The following PACSIN2 variants were observed in gnomAD, a reference collection of about 807,000 sequenced individuals.
PACSIN2 encodes the protein protein kinase C and casein kinase substrate in neurons protein 2.
PACSIN2 carries 25 observed loss-of-function variants against 63.8 expected under a neutral mutation model. The ratio of observed to expected loss-of-function variants is 0.39; its 90% confidence interval spans 0.29 to 0.55. The LOEUF is 0.55. Ranked by LOEUF, PACSIN2 falls within the 20% of genes least tolerant of loss-of-function variation. The pLI is 0.62. For missense variants in PACSIN2, 518 were observed against 646.9 expected (o/e 0.80, Z 2.16); for synonymous variants, 255 against 256.2 (o/e 1.00, Z 0.05).
chr22:42,881,713 G>A (rs1476655387), intron 7 of PACSIN2, among the ~76,000 whole-genome samples: 1 of 152,220 alleles, frequency 6.6e-6, no homozygotes, highest in Non-Finnish European at 1.5e-5. Flanking sequence ...AGGATTCACT[G>A]AATTTACTGC....
intron 1 of PACSIN2, among the ~76,000 whole-genome samples, chr22:43,013,345 G>A (rs1304585771): frequency 6.6e-6 from 1 of 152,196 alleles, no homozygotes; most frequent in Non-Finnish European, 1.5e-5. Context: ...ATTGTCAAAA[G>A]AAAAACACAC....
At position 42,876,277 on chromosome 22, in the gene PACSIN2, G is replaced by A. The variant is rs201678639; in HGVS notation, c.1208C>T (p.Ser403Phe). ...SYPTDWSDDE[S>F]NNPFSSTDAN... is the part of the protein sequence containing the mutation. ...ATCCGTGGAGGAGAAGGGGTTGTTAGACTCATCGTCTGACCAGTCGGTGGG... is the reference window on the plus strand; with the variant it reads ...ATCCGTGGAGGAGAAGGGGTTGTTAAACTCATCGTCTGACCAGTCGGTGGG... Residue 403 changes from serine (S) to phenylalanine (F), a missense_variant, in exon 10 of 11, where the codon TCT becomes TTT. Around this residue, in one of 2 missense-constraint regions of PACSIN2, gnomAD observed 507 missense variants for 612.3 expected, o/e 0.83. Coordinates refer to ENST00000263246, the MANE Select transcript of PACSIN2 (RefSeq NM_001184970.3). 54 of 1,614,220 alleles carry A rather than the reference G, an allele frequency of 3.3e-5. No homozygotes were observed. Among genetic ancestry groups the A allele is most frequent in the Admixed American group, 2.5e-4 (15 of 60,034 alleles).
In PACSIN2 at chr22:43,010,398, A is replaced by ATATATATATATATTTTT; in HGVS notation, c.-78+4622_-78+4623insAAAAATATATATATATA. 5.1e-4 allele frequency among the ~76,000 whole-genome samples: 65 copies of ATATATATATATATTTTT among 126,406 alleles called. 1 individual carries two copies. The highest frequency in any genetic ancestry group is 8.1e-3 in the Middle Eastern group (2 of 248). 82.9% of individuals were successfully genotyped at this position (126,406 alleles called of 152,430 possible). ...TGTTTAAAAATACATATATATATAT[A>ATATATATATATATTTTT]TTTTTTTTTAATTGAAAATAAAAAA... On this transcript the variant is annotated intron_variant, in intron 1 of 10. Coordinates refer to ENST00000263246, the MANE Select transcript of PACSIN2 (RefSeq NM_001184970.3).
rs116264698 is a variant in PACSIN2 at position 42,977,417 on chromosome 22, T to C, written c.-78+37604A>G. ...GAAAAAATAAAGAAAAAAGGTGAAA[T>C]GGTGCTCAACCTCACCAGTACTCAG... On this transcript the variant is annotated intron_variant, in intron 1 of 10. Coordinates refer to ENST00000263246, the MANE Select transcript of PACSIN2 (RefSeq NM_001184970.3). Among the ~76,000 whole-genome samples the C allele has an allele frequency of 3.7e-3, 562 of 152,170 alleles. 4 individuals carry two copies. The highest frequency in any genetic ancestry group is 0.013 in the African/African-American group (550 of 41,506).
intron 1 of PACSIN2, among the ~76,000 whole-genome samples, chr22:42,952,277 A>G (rs1003551297): frequency 6.6e-6 from 1 of 152,210 alleles, no homozygotes; most frequent in Non-Finnish European, 1.5e-5. Context: ...ACAGCAAACC[A>G]GGTATCTTAA....
chr22:43,014,223 A>G (rs1173141611), intron 1 of PACSIN2, among the ~76,000 whole-genome samples: 1 of 150,804 alleles, frequency 6.6e-6, no homozygotes, highest in Non-Finnish European at 1.5e-5. Context: ...GAGTCTGGGG[A>G]AACTCTGAGG....
At chr22:42,959,948 C>T (rs918059351) in intron 1 of PACSIN2, 4 of 152,242 alleles carry the variant, frequency 2.6e-5, no homozygotes, top group African/African-American at 9.7e-5. Context: ...AAGGTCATTC[C>T]CATACACTGC....
chr22:43,009,562 T>C (rs948978169), intron 1 of PACSIN2, among the ~76,000 whole-genome samples: 2 of 152,184 alleles, frequency 1.3e-5, no homozygotes, highest in Non-Finnish European at 2.9e-5. Context: ...AAGTCCTTCA[T>C]TTTACAAATA....
intron 2 of PACSIN2, among the ~76,000 whole-genome samples, chr22:42,905,340 G>T (rs933705757): frequency 2.1e-4 from 32 of 152,216 alleles, no homozygotes; most frequent in African/African-American, 7.0e-4. Flanking sequence ...TGCAGAAACG[G>T]TAAGTGTAGA....
At chr22:43,007,593 C>G (rs148920338) in intron 1 of PACSIN2, among the ~76,000 whole-genome samples, 19 of 152,326 alleles carry the variant, frequency 1.2e-4, no homozygotes, top group African/African-American at 4.6e-4. Context: ...GCACCTGTGG[C>G]TCTGGCACAA....
intron 1 of PACSIN2, among the ~76,000 whole-genome samples, chr22:42,971,211 A>G (rs1453956216): frequency 7.9e-5 from 12 of 152,132 alleles, no homozygotes; most frequent in South Asian, 6.2e-4. Flanking sequence ...TCAGCCTGCC[A>G]AGCGCCTGGG....
chr22:42,924,857 C>T (rs894049631), intron 1 of PACSIN2, among the ~76,000 whole-genome samples: 4 of 151,758 alleles, frequency 2.6e-5, no homozygotes, highest in African/African-American at 7.3e-5. Flanking sequence ...CCCGGGTACA[C>T]GCCATTCTCC....
In PACSIN2 at chr22:42,893,447, G is replaced by A. The variant is rs201534510; in HGVS notation, c.217+10C>T. On this transcript the variant is annotated intron_variant, in intron 3 of 10. Transcript: ENST00000263246. ...CTCCAGGCCACAGGACCTGTGCCGG[G>A]GCCCCATACCTTTCTCCACGAGCTG... 6.2e-7 allele frequency: 1 copy of A among 1,610,234 alleles called. No individual in the cohort carries two copies. Among genetic ancestry groups the A allele is most frequent in the African/African-American group, 1.3e-5 (1 of 75,038 alleles).
At chr22:42,874,012 A>C (rs527464646) in intron 10 of PACSIN2, among the ~76,000 whole-genome samples, 3 of 151,076 alleles carry the variant, frequency 2.0e-5, no homozygotes, top group African/African-American at 7.3e-5. Context: ...CTGGTCTCAA[A>C]CTCCTGACCT....
chr22:42,885,913 A>T (rs1929440883), intron 5 of PACSIN2, among the ~76,000 whole-genome samples: 1 of 152,066 alleles, frequency 6.6e-6, no homozygotes, highest in Non-Finnish European at 1.5e-5. Flanking sequence ...TATTCCCCAC[A>T]GCCATCCACA....
intron 1 of PACSIN2, among the ~76,000 whole-genome samples, chr22:43,012,192 TACATACATACAA>T (rs1427867789): frequency 3.3e-4 from 41 of 123,656 alleles, no homozygotes; most frequent in African/African-American, 1.4e-3. Flanking sequence ...CATACATACA[TACATACATACAA>T]ACATACAAAA....
chr22:43,014,091 C>G (rs1924681247), intron 1 of PACSIN2, among the ~76,000 whole-genome samples: 1 of 152,142 alleles, frequency 6.6e-6, no homozygotes. Flanking sequence ...AGCCGAAACC[C>G]AATGAATCAA....
Position 43,015,011 on chromosome 22 carries a change from G to C in PACSIN2, c.-78+10C>G, listed in dbSNP as rs1284143117. The C allele has an allele frequency of 6.6e-6, 1 of 151,506 alleles. No homozygotes were observed. Among genetic ancestry groups the C allele is most frequent in the African/African-American group, 2.4e-5 (1 of 41,292 alleles). The allele number at this position is 151,506 out of a possible 1,614,324, so 9.4% of individuals were successfully genotyped here. A position where few individuals can be genotyped will look rare whatever the true frequency, so the allele number is the denominator to read the frequency against. On this transcript the variant is annotated intron_variant, in intron 1 of 10. Coordinates refer to ENST00000263246, the MANE Select transcript of PACSIN2 (RefSeq NM_001184970.3). ...CGTCGCGGCGACCCCTGACCTCGGC[G>C]GCCACTCACCTCCCAATCCGTCGCA... is the stretch of plus-strand genomic sequence containing the variant.
chr22:42,983,174 G>T (rs183421113), intron 1 of PACSIN2, among the ~76,000 whole-genome samples: 1 of 151,866 alleles, frequency 6.6e-6, no homozygotes, highest in Non-Finnish European at 1.5e-5. Context: ...AAAATTAGCC[G>T]GCTGTGGTGA....
Sources: allele counts gnomAD v4.1 joint callset (sites outside exome capture counted in the v4.1 genomes callset), GRCh38; gene constraint gnomAD v4.1.1; regional missense constraint gnomAD v4.1.1; transcripts MANE v1.5; gene names NCBI Gene and HGNC (gene_info 2026-07-23, HGNC 2026-07-21).